The following SRPK2 variants were observed in gnomAD, a reference collection of about 807,000 sequenced individuals.
SRPK2 encodes SRSF protein kinase 2.
SRPK2 carries 21 observed loss-of-function variants against 90.8 expected under a neutral mutation model. The observed-to-expected ratio is 0.23, with a 90% confidence interval of 0.16 to 0.33. The LOEUF is 0.33. Ranked by LOEUF, SRPK2 falls within the 10% of genes least tolerant of loss-of-function variation. The pLI is 1.00. For missense variants in SRPK2, 620 were observed against 869.0 expected (o/e 0.71, Z 3.60); for synonymous variants, 288 against 311.1 (o/e 0.93, Z 0.78).
intron 2 of SRPK2, among the ~76,000 whole-genome samples, chr7:105,342,398 G>T (rs962242147): frequency 6.6e-6 from 1 of 151,550 alleles, no homozygotes; most frequent in Non-Finnish European, 1.5e-5. Flanking sequence ...TGTGATTTTT[G>T]TAGAATCTGA....
rs770227287 is a variant in SRPK2 at position 105,132,830 on chromosome 7, C to T, written c.1713G>A (p.Gly571=). The T allele has an allele frequency of 3.7e-6, 6 of 1,610,394 alleles. No homozygotes were observed. The highest frequency in any genetic ancestry group is 5.1e-6 in the Non-Finnish European group (6 of 1,178,138). ...TCCAGATGTCCGCAGGGGTGCTGTACCCCGCTCCTATTAAAACCTCTATGG... is the reference window on the plus strand; with the variant it reads ...TCCAGATGTCCGCAGGGGTGCTGTATCCCGCTCCTATTAAAACCTCTATGG... ...YRSIEVLIGA[G]YSTPADIWST... is the part of the protein sequence containing the mutation. The change falls in exon 13 of 16, where the codon GGG becomes GGA. Residue 571 remains glycine (G), a synonymous_variant. Coordinates refer to ENST00000393651, the MANE Select transcript of SRPK2 (RefSeq NM_182692.3).
intron 2 of SRPK2, among the ~76,000 whole-genome samples, chr7:105,273,361 C>A (rs1450155261): frequency 6.6e-6 from 1 of 152,028 alleles, no homozygotes; most frequent in African/African-American, 2.4e-5. Flanking sequence ...ATACAGTTTC[C>A]TCTCCCTGGA....
intron 1 of SRPK2, among the ~76,000 whole-genome samples, chr7:105,396,912 T>C (rs1207295386): frequency 4.6e-5 from 7 of 152,118 alleles, no homozygotes; most frequent in Admixed American, 3.3e-4. Flanking sequence ...AAACCTAGTC[T>C]CTGTTGACTT....
At chr7:105,317,368 A>C (rs1449990593) in intron 2 of SRPK2, among the ~76,000 whole-genome samples, 1 of 152,256 alleles carries the variant, frequency 6.6e-6, no homozygotes, top group African/African-American at 2.4e-5. Flanking sequence ...TGTTGAGTTG[A>C]CAGCGTTTTC....
At chr7:105,246,944 C>T (rs1383625638) in intron 2 of SRPK2, among the ~76,000 whole-genome samples, 2 of 152,170 alleles carry the variant, frequency 1.3e-5, no homozygotes, top group African/African-American at 2.4e-5. Context: ...TTCCAAGAGC[C>T]AGGCAGGTGA....
intron 2 of SRPK2, among the ~76,000 whole-genome samples, chr7:105,322,356 G>A (rs1326865988): frequency 2.0e-5 from 3 of 151,922 alleles, no homozygotes; most frequent in African/African-American, 7.3e-5. Context: ...GGTGGAGGCT[G>A]CAGTGCACCG....
At chr7:105,354,745 T>C (rs1585854881) in intron 2 of SRPK2, among the ~76,000 whole-genome samples, 2 of 152,192 alleles carry the variant, frequency 1.3e-5, no homozygotes, top group African/African-American at 2.4e-5. Context: ...CAGTCAGATA[T>C]ATAACTCACA....
At chr7:105,268,773 C>T (rs1375983855) in intron 2 of SRPK2, 2 of 1,580,972 alleles carry the variant, frequency 1.3e-6, no homozygotes, top group Non-Finnish European at 1.7e-6. Context: ...AATGCTACAC[C>T]ATTAATTGTT....
In SRPK2 at chr7:105,160,695, C is replaced by T; in HGVS notation, c.515-82G>A. On this transcript the variant is annotated intron_variant, in intron 6 of 15. Transcript: ENST00000393651. ...GAAAGCAGCACCATTGTGTCACTTG[C>T]AAAGCACTTATTACTTTATAAAATA... 6 of 751,580 alleles carry T rather than the reference C, an allele frequency of 8.0e-6. No individual in the cohort carries two copies. The South Asian group carries it at 9.7e-5, about 12-fold the overall frequency. 46.6% of individuals were successfully genotyped at this position (751,580 alleles called of 1,614,324 possible). A position where few individuals can be genotyped will look rare whatever the true frequency, so the allele number is the denominator to read the frequency against.
At chr7:105,268,655 C>T in intron 2 of SRPK2, 1 of 802,584 alleles carries the variant, frequency 1.2e-6, no homozygotes, top group Non-Finnish European at 1.8e-6. Flanking sequence ...AGCAGAACAG[C>T]TTGCCCCAAT....
chr7:105,126,766 C>T (rs571992032), intron 14 of SRPK2, among the ~76,000 whole-genome samples: 32 of 152,296 alleles, frequency 2.1e-4, no homozygotes, highest in Middle Eastern at 3.4e-3. Context: ...CAGGAAGAGC[C>T]GCTGGTGTAG....
chr7:105,207,072 A>C (rs894267600), intron 2 of SRPK2, among the ~76,000 whole-genome samples: 6 of 152,258 alleles, frequency 3.9e-5, no homozygotes, highest in Non-Finnish European at 8.8e-5. Context: ...AGGAAAATCA[A>C]GGTAAATTTC....
intron 3 of SRPK2, among the ~76,000 whole-genome samples, chr7:105,184,283 A>G (rs978906691): frequency 1.3e-5 from 2 of 152,074 alleles, no homozygotes; most frequent in African/African-American, 4.8e-5. Flanking sequence ...CTGGTCTATT[A>G]CTAATATTTT....
chr7:105,378,986 A>G (rs1820623958), intron 2 of SRPK2, among the ~76,000 whole-genome samples: 1 of 151,718 alleles, frequency 6.6e-6, no homozygotes, highest in African/African-American at 2.4e-5. Flanking sequence ...GGGAGATCCC[A>G]TCTCTACAAA....
chr7:105,152,773 C>T (rs1034769318), intron 7 of SRPK2, among the ~76,000 whole-genome samples: 3 of 152,096 alleles, frequency 2.0e-5, no homozygotes, highest in Non-Finnish European at 2.9e-5. Flanking sequence ...CGGTGACTCA[C>T]GCCTGTAATC....
At chr7:105,203,265 C>T (rs898291016) in intron 3 of SRPK2, among the ~76,000 whole-genome samples, 1 of 152,174 alleles carries the variant, frequency 6.6e-6, no homozygotes, top group Admixed American at 6.5e-5. Context: ...GCTGGGATTA[C>T]AGGCTTCAGC....
At chr7:105,137,770 C>A (rs1166268296) in intron 11 of SRPK2, among the ~76,000 whole-genome samples, 1 of 152,180 alleles carries the variant, frequency 6.6e-6, no homozygotes, top group African/African-American at 2.4e-5. Context: ...AAACTGGCCC[C>A]AGTCTTTCTT....
At chr7:105,309,515 A>C (rs1172740584) in intron 2 of SRPK2, among the ~76,000 whole-genome samples, 3 of 152,214 alleles carry the variant, frequency 2.0e-5, no homozygotes, top group African/African-American at 7.2e-5. Flanking sequence ...CTCTATCCTT[A>C]ATTAGCCATT....
chr7:105,398,361 A>G (rs1822385334), intron 1 of SRPK2, among the ~76,000 whole-genome samples: 1 of 151,378 alleles, frequency 6.6e-6, no homozygotes, highest in African/African-American at 2.4e-5. Context: ...GGGGCCTTTA[A>G]TGGATGAAAA....
Sources: allele counts gnomAD v4.1 joint callset (sites outside exome capture counted in the v4.1 genomes callset), GRCh38; gene constraint gnomAD v4.1.1; transcripts MANE v1.5; gene names NCBI Gene and HGNC (gene_info 2026-07-23, HGNC 2026-07-21).